Variants in CDH13 observed in about 807,000 individuals in gnomAD.
The protein encoded by CDH13 is cadherin 13.
In CDH13, 24 loss-of-function variants were observed where a neutral mutation model predicts 63.8. The ratio of observed to expected loss-of-function variants is 0.38; its 90% CI spans 0.27 to 0.53. The LOEUF is 0.53. Among genes scored for constraint, CDH13 ranks in the 20% least tolerant of loss-of-function variants. CDH13 has a pLI of 0.85. For missense variants in CDH13, 1,049 were observed against 903.1 expected (o/e 1.16, Z -2.07); for synonymous variants, 503 against 355.3 (o/e 1.42, Z -4.67).
intron 1 of CDH13, among the ~76,000 whole-genome samples, chr16:82,662,831 G>A (rs1315451505): frequency 6.6e-6 from 1 of 152,168 alleles, no homozygotes; most frequent in Non-Finnish European, 1.5e-5. Flanking sequence ...ATGAGAAGAT[G>A]TCCTCCAGGC....
At chr16:82,990,862 A>T (rs552201543) in intron 2 of CDH13, among the ~76,000 whole-genome samples, 7 of 152,156 alleles carry the variant, frequency 4.6e-5, no homozygotes, top group Admixed American at 4.6e-4. Context: ...TAAAATGAAG[A>T]CTTTCTTATC....
intron 4 of CDH13, among the ~76,000 whole-genome samples, chr16:83,184,456 G>A (rs528174957): frequency 1.3e-4 from 20 of 152,236 alleles, no homozygotes; most frequent in African/African-American, 3.6e-4. Flanking sequence ...AAGGCTTGAC[G>A]TAGATGTGAG....
At chr16:83,731,543 A>G (rs1384888150) in intron 10 of CDH13, among the ~76,000 whole-genome samples, 1 of 152,188 alleles carries the variant, frequency 6.6e-6, no homozygotes, top group Non-Finnish European at 1.5e-5. Flanking sequence ...AAAGTTACTT[A>G]TAGATTCTGG....
At chr16:83,061,773 T>C (rs77103560) in intron 3 of CDH13, among the ~76,000 whole-genome samples, 2,510 of 152,310 alleles carry the variant, frequency 0.016, 64 homozygotes, top group African/African-American at 0.057. Flanking sequence ...TCACCCCAGA[T>C]ACGGCACTTA....
chr16:82,804,276 TACAC>T (rs140828245), intron 1 of CDH13, among the ~76,000 whole-genome samples: 15,025 of 134,802 alleles, frequency 0.11, 839 homozygotes, highest in African/African-American at 0.17. Context: ...GGGATCTTGC[TACAC>T]ACACACACAC....
chr16:83,327,230 C>T (rs553691898), intron 5 of CDH13, among the ~76,000 whole-genome samples: 2 of 152,334 alleles, frequency 1.3e-5, no homozygotes, highest in East Asian at 3.9e-4. Context: ...CTATCAGTCA[C>T]TGCCACACAA....
intron 9 of CDH13, among the ~76,000 whole-genome samples, chr16:83,674,719 A>G (rs958994328): frequency 1.8e-4 from 27 of 152,230 alleles, no homozygotes; most frequent in Non-Finnish European, 2.6e-4. Flanking sequence ...AAAAGGACCA[A>G]ATCCCAGTGG....
rs1567552011 is a variant in CDH13, at chr16:83,724,181, AAATGCATGGGTGGGTGATG to A, written c.1539-23898_1539-23880del. Among the ~76,000 whole-genome samples, 7 of 102,522 alleles carry A rather than the reference AAATGCATGGGTGGGTGATG, an allele frequency of 6.8e-5. No individual in the cohort carries two copies. In the South Asian group the frequency reaches 1.9e-3, roughly 28 times the overall value. 67.3% of individuals were successfully genotyped at this position (102,522 alleles called of 152,430 possible). On this transcript the variant is annotated intron_variant, in intron 10 of 13. Transcript: ENST00000567109. ...GGTGATGAATACATGGGTGAGTGATAAATGCATGGGTGGGTGATGAATGCATGGGTGGGTGATGAATGCA... is the reference window on the plus strand; with the variant it reads ...GGTGATGAATACATGGGTGAGTGATAAATGCATGGGTGGGTGATGAATGCA...
chr16:83,425,096 C>G (rs908047953), intron 6 of CDH13, among the ~76,000 whole-genome samples: 1 of 152,224 alleles, frequency 6.6e-6, no homozygotes, highest in Non-Finnish European at 1.5e-5. Flanking sequence ...CAAGAAAGAG[C>G]TGTGATCCCA....
intron 7 of CDH13, among the ~76,000 whole-genome samples, chr16:83,505,924 A>T (rs1395272095): frequency 6.6e-6 from 1 of 152,166 alleles, no homozygotes; most frequent in Non-Finnish European, 1.5e-5. Flanking sequence ...TCCTTCCTTC[A>T]ACATTCCATA....
chr16:82,818,852 C>T (rs1244360993), intron 1 of CDH13, among the ~76,000 whole-genome samples: 1 of 152,148 alleles, frequency 6.6e-6, no homozygotes, highest in African/African-American at 2.4e-5. Flanking sequence ...TTAGTGGTGT[C>T]ATAACTTTGC....
intron 1 of CDH13, among the ~76,000 whole-genome samples, chr16:82,715,286 T>C (rs2032281266): frequency 6.6e-6 from 1 of 151,942 alleles, no homozygotes. Context: ...AAATCAACTA[T>C]GGCTGCAACC....
intron 8 of CDH13, among the ~76,000 whole-genome samples, chr16:83,669,173 A>G (rs1048234644): frequency 1.3e-4 from 20 of 152,146 alleles, no homozygotes; most frequent in Non-Finnish European, 1.9e-4. Flanking sequence ...GTCCCAGAAG[A>G]CCAGAGATGG....
At chr16:83,193,490 G>T (rs919744770) in intron 4 of CDH13, among the ~76,000 whole-genome samples, 2 of 152,138 alleles carry the variant, frequency 1.3e-5, no homozygotes, top group Non-Finnish European at 2.9e-5. Context: ...TTATTTCAGA[G>T]CAGAACCTAG....
chr16:83,381,137 A>G (rs535485108), intron 6 of CDH13, among the ~76,000 whole-genome samples: 1 of 152,278 alleles, frequency 6.6e-6, no homozygotes, highest in South Asian at 2.1e-4. Flanking sequence ...TGTGTCCTCA[A>G]TAGATGGTAA....
In CDH13 at chr16:83,795,111, C is replaced by A. The variant is rs373469956; in HGVS notation, c.*81C>A. 8.8e-6 allele frequency: 11 copies of A among 1,244,284 alleles called. No homozygotes were observed. The highest frequency in any genetic ancestry group is 7.0e-5 in the Admixed American group (3 of 42,940). 77.1% of individuals were successfully genotyped at this position (1,244,284 alleles called of 1,614,324 possible). ...AAAATCTATCCAAATCTGAAGATTG[C>A]GGTTTACAGCTATCGAACTTCACAA... On this transcript the variant is annotated 3_prime_UTR_variant, in exon 14 of 14. Coordinates refer to ENST00000567109, the MANE Select transcript of CDH13 (RefSeq NM_001257.5).
chr16:83,587,667 A>T (rs1001551165), intron 7 of CDH13, among the ~76,000 whole-genome samples: 1 of 152,208 alleles, frequency 6.6e-6, no homozygotes, highest in East Asian at 1.9e-4. Flanking sequence ...ATTCATTTAG[A>T]TTCCACACAG....
intron 3 of CDH13, among the ~76,000 whole-genome samples, chr16:83,084,147 A>G (rs567316126): frequency 5.9e-5 from 9 of 152,188 alleles, no homozygotes; most frequent in Non-Finnish European, 1.2e-4. Context: ...ACACCCAATA[A>G]ATTGCTTATC....
At chr16:83,645,332 G>T (rs1401747157) in intron 8 of CDH13, among the ~76,000 whole-genome samples, 1 of 152,188 alleles carries the variant, frequency 6.6e-6, no homozygotes, top group Admixed American at 6.5e-5. Flanking sequence ...ACTTGTAAGT[G>T]AAGGGTAAGC....
Sources: gnomAD v4.1 joint callset for allele counts (sites outside exome capture counted in the v4.1 genomes callset) on GRCh38, gnomAD v4.1.1 for gene constraint, MANE v1.5 for transcripts, NCBI Gene and HGNC (gene_info 2026-07-23, HGNC 2026-07-21) for gene names.